The following TTLL5 variants were observed in gnomAD, a reference collection of about 807,000 sequenced individuals.
TTLL5 encodes the protein tubulin polyglutamylase TTLL5.
Under a neutral mutation model 168.4 loss-of-function variants are expected in TTLL5, and 132 were observed. That is an observed-to-expected ratio of 0.78 (90% confidence interval 0.68 to 0.91). The LOEUF (loss-of-function observed/expected upper bound fraction) is 0.91. Among genes scored for constraint, TTLL5 ranks in the 40% least tolerant of loss-of-function variants. The pLI, the probability that TTLL5 is intolerant of heterozygous loss-of-function variation, is 0.00. For synonymous variants in TTLL5, 546 were observed against 558.6 expected, an observed-to-expected ratio of 0.98 and a Z score of 0.32; for missense variants, 1,545 against 1,581.5, an observed-to-expected ratio of 0.98 and a Z score of 0.39.
chr14:75,739,755 G>A (rs868029083), intron 15 of TTLL5, among the ~76,000 whole-genome samples: 1 of 152,144 alleles, frequency 6.6e-6, no homozygotes, highest in Non-Finnish European at 1.5e-5. Flanking sequence ...ATATATACAT[G>A]AAGTTACAGT....
intron 30 of TTLL5, among the ~76,000 whole-genome samples, chr14:75,886,009 G>T (rs1294564015): frequency 6.6e-6 from 1 of 152,172 alleles, no homozygotes; most frequent in Admixed American, 6.5e-5. Context: ...GCTCAGTTCA[G>T]ATTAATCAGG....
At chr14:75,808,525 C>T (rs914284012) in intron 27 of TTLL5, among the ~76,000 whole-genome samples, 6 of 152,004 alleles carry the variant, frequency 3.9e-5, no homozygotes, top group Non-Finnish European at 7.4e-5. Context: ...TTTCATTTTT[C>T]TGATTGAATA....
intron 12 of TTLL5, among the ~76,000 whole-genome samples, chr14:75,724,983 A>G (rs889837990): frequency 6.6e-5 from 10 of 152,184 alleles, no homozygotes; most frequent in African/African-American, 2.2e-4. Flanking sequence ...ATCTCTGTGT[A>G]TTAGCATGGC....
At chr14:75,807,395 T>G (rs2140381506) in intron 27 of TTLL5, among the ~76,000 whole-genome samples, 1 of 152,292 alleles carries the variant, frequency 6.6e-6, no homozygotes, top group South Asian at 2.1e-4. Flanking sequence ...GTGCCATAAC[T>G]GCACCACTGC....
intron 31 of TTLL5, among the ~76,000 whole-genome samples, chr14:75,928,368 T>TATATATATATATATATATAA (rs2034154956): frequency 7.1e-6 from 1 of 140,316 alleles, no homozygotes; most frequent in African/African-American, 2.7e-5. Context: ...TATATATATA[T>TATATATATATATATATATAA]CACTGTATTT....
chr14:75,951,847 T>TA (rs1297526874), intron 31 of TTLL5, among the ~76,000 whole-genome samples: 1 of 152,212 alleles, frequency 6.6e-6, no homozygotes, highest in Non-Finnish European at 1.5e-5. Flanking sequence ...AGTATCCAGA[T>TA]ATTTAAGCAA....
chr14:75,691,274 G>A (rs1470420228), intron 6 of TTLL5, among the ~76,000 whole-genome samples: 1 of 152,174 alleles, frequency 6.6e-6, no homozygotes, highest in African/African-American at 2.4e-5. Context: ...TACCCACCCA[G>A]GCCAGGCAGA....
chr14:75,917,538 G>T (rs2033662362), intron 31 of TTLL5, among the ~76,000 whole-genome samples: 2 of 152,220 alleles, frequency 1.3e-5, no homozygotes, highest in South Asian at 4.1e-4. Context: ...TTAGGGGGAT[G>T]CCTGGCAGTA....
intron 28 of TTLL5, among the ~76,000 whole-genome samples, chr14:75,842,095 G>A (rs1896291618): frequency 6.6e-6 from 1 of 152,168 alleles, no homozygotes; most frequent in Admixed American, 6.5e-5. Context: ...TTGTGCATGT[G>A]TGTATTTCTG....
intron 5 of TTLL5, among the ~76,000 whole-genome samples, chr14:75,686,391 G>A (rs1411982361): frequency 1.3e-5 from 2 of 152,086 alleles, no homozygotes; most frequent in Non-Finnish European, 2.9e-5. Flanking sequence ...CCTAACCTGG[G>A]TCTTTACTGT....
chr14:75,699,753 T>C (rs1324056010), intron 7 of TTLL5, among the ~76,000 whole-genome samples: 1 of 152,172 alleles, frequency 6.6e-6, no homozygotes, highest in Admixed American at 6.5e-5. Flanking sequence ...TCTGCCCTTC[T>C]TCGTCTCATT....
intron 30 of TTLL5, among the ~76,000 whole-genome samples, chr14:75,897,235 C>T (rs2032707969): frequency 1.3e-5 from 2 of 152,178 alleles, no homozygotes; most frequent in South Asian, 4.1e-4. Flanking sequence ...GAGTCAAATT[C>T]AGGGTTAGGA....
At chr14:75,935,125 A>G (rs1037571645) in intron 31 of TTLL5, among the ~76,000 whole-genome samples, 1 of 152,234 alleles carries the variant, frequency 6.6e-6, no homozygotes, top group African/African-American at 2.4e-5. Context: ...CAGTAAGTAC[A>G]CTGAGTTCCC....
intron 17 of TTLL5, among the ~76,000 whole-genome samples, chr14:75,748,761 A>G (rs1003934330): frequency 6.6e-6 from 1 of 152,200 alleles, no homozygotes; most frequent in African/African-American, 2.4e-5. Flanking sequence ...ATCTTCTCCA[A>G]TTGCAGTACT....
At chr14:75,682,613 A>G (rs534856162) in intron 4 of TTLL5, among the ~76,000 whole-genome samples, 1 of 152,278 alleles carries the variant, frequency 6.6e-6, no homozygotes, top group South Asian at 2.1e-4. Flanking sequence ...GTCATTCTCC[A>G]AAGAAAGTTG....
At chr14:75,771,609 G>A in intron 20 of TTLL5, 125 bp from the exon 21 acceptor site, 1 of 1,353,218 alleles carries the variant, frequency 7.4e-7, no homozygotes, top group East Asian at 2.4e-5. Context: ...GCTGTAAGAT[G>A]GGTTTCATAT....
intron 15 of TTLL5, among the ~76,000 whole-genome samples, 169 bp from the exon 16 acceptor site, chr14:75,744,926 C>G (rs541651300): frequency 6.6e-6 from 1 of 152,060 alleles, no homozygotes; most frequent in Non-Finnish European, 1.5e-5. Context: ...TATTAGCTTT[C>G]GTCTGTTTTC....
At chr14:75,880,790 C>G (rs1047524616) in intron 29 of TTLL5, among the ~76,000 whole-genome samples, 1 of 152,212 alleles carries the variant, frequency 6.6e-6, no homozygotes, top group Non-Finnish European at 1.5e-5. Context: ...CCTGAGGAGG[C>G]CTGCTTTAGC....
intron 30 of TTLL5, among the ~76,000 whole-genome samples, 196 bp downstream of exon 30, chr14:75,883,098 T>C (rs953480753): frequency 6.6e-6 from 1 of 152,242 alleles, no homozygotes; most frequent in African/African-American, 2.4e-5. Context: ...AACAAGCAGA[T>C]GGCAGGGCTT....
Sources: gnomAD v4.1 joint callset for allele counts (sites outside exome capture counted in the v4.1 genomes callset) on GRCh38, gnomAD v4.1.1 for gene constraint, MANE v1.5 for transcripts, NCBI Gene and HGNC (gene_info 2026-07-23, HGNC 2026-07-21) for gene names.